DOCK3: variants seen among roughly 807,000 people sequenced by gnomAD.
The protein encoded by DOCK3 is dedicator of cytokinesis 3.
A neutral mutation model predicts 265.6 loss-of-function variants in DOCK3; 60 were observed. That is an observed-to-expected ratio of 0.23 (90% CI 0.18 to 0.28). The LOEUF is 0.28. Ranked by LOEUF, DOCK3 falls within the 10% of genes least tolerant of loss-of-function variation. DOCK3 has a pLI of 1.00. For missense variants in DOCK3, 1,981 were observed against 2,594.3 expected (o/e 0.76, Z 5.14); for synonymous variants, 881 against 938.0 (o/e 0.94, Z 1.11).
intron 12 of DOCK3, among the ~76,000 whole-genome samples, chr3:51,184,854 A>G (rs1477483487): frequency 6.6e-6 from 1 of 152,246 alleles, no homozygotes; most frequent in Non-Finnish European, 1.5e-5. Flanking sequence ...AATCAGGGAT[A>G]ACATCAGCAG....
intron 21 of DOCK3, among the ~76,000 whole-genome samples, chr3:51,243,620 T>A (rs1227347099): frequency 6.6e-6 from 1 of 152,210 alleles, no homozygotes; most frequent in Non-Finnish European, 1.5e-5. Context: ...TAACCCCTTA[T>A]CAGTTATATG....
intron 2 of DOCK3, among the ~76,000 whole-genome samples, chr3:50,835,966 C>A (rs1362194042): frequency 6.6e-6 from 1 of 152,202 alleles, no homozygotes; most frequent in East Asian, 1.9e-4. Context: ...AGCCAAGTAT[C>A]CCCCCATAAC....
chr3:51,214,868 G>A (rs2089698178), intron 14 of DOCK3, among the ~76,000 whole-genome samples: 1 of 152,142 alleles, frequency 6.6e-6, no homozygotes, highest in Non-Finnish European at 1.5e-5. Context: ...GTCCCAGTAG[G>A]TCAGTATCAG....
chr3:50,689,654 A>T (rs1023050059), intron 1 of DOCK3, among the ~76,000 whole-genome samples: 2 of 152,216 alleles, frequency 1.3e-5, no homozygotes, highest in Non-Finnish European at 2.9e-5. Context: ...TTAGATTCTC[A>T]TAAGGAGCAT....
At chr3:51,110,376 C>CAA (rs2083463533) in intron 9 of DOCK3, among the ~76,000 whole-genome samples, 4 of 151,946 alleles carry the variant, frequency 2.6e-5, no homozygotes, top group East Asian at 1.9e-4. Flanking sequence ...ACCACCACCA[C>CAA]CAACAACAAC....
intron 9 of DOCK3, among the ~76,000 whole-genome samples, chr3:51,122,037 C>G (rs920060673): frequency 6.6e-6 from 1 of 152,124 alleles, no homozygotes; most frequent in Non-Finnish European, 1.5e-5. Context: ...TGCTCACTGT[C>G]CCTTCCAAAA....
chr3:51,044,855 C>G (rs760169798), intron 5 of DOCK3, among the ~76,000 whole-genome samples: 1 of 152,180 alleles, frequency 6.6e-6, no homozygotes, highest in Non-Finnish European at 1.5e-5. Context: ...TTCCCCACCT[C>G]TCTTCGCATT....
At chr3:50,814,856 C>T (rs146549509) in intron 2 of DOCK3, among the ~76,000 whole-genome samples, 9 of 151,234 alleles carry the variant, frequency 6.0e-5, no homozygotes, top group African/African-American at 1.9e-4. Context: ...GATGGAGTCT[C>T]GCTCTGCCGC....
chr3:50,869,163 A>G (rs1278440418), intron 3 of DOCK3, among the ~76,000 whole-genome samples: 3 of 149,266 alleles, frequency 2.0e-5, no homozygotes, highest in African/African-American at 7.4e-5. Flanking sequence ...TTCAGTAGAG[A>G]CGGGGTTTCA....
intron 39 of DOCK3, 143 bp downstream of exon 39, chr3:51,349,081 C>G (rs1198142424): frequency 1.3e-6 from 1 of 762,222 alleles, no homozygotes; most frequent in African/African-American, 1.8e-5. Context: ...AGGACACTTG[C>G]AGTCTGACTA....
intron 28 of DOCK3, among the ~76,000 whole-genome samples, chr3:51,311,131 T>A (rs2083046701): frequency 6.6e-6 from 1 of 152,244 alleles, no homozygotes; most frequent in Non-Finnish European, 1.5e-5. Context: ...TGAATCTTTC[T>A]TGTTTCTATC....
At chr3:50,931,589 G>A (rs2051069966) in intron 4 of DOCK3, among the ~76,000 whole-genome samples, 1 of 152,210 alleles carries the variant, frequency 6.6e-6, no homozygotes, top group South Asian at 2.1e-4. Context: ...TTTCTTCTCA[G>A]ATATGACATT....
At chr3:50,811,890 T>C (rs2043781348) in intron 2 of DOCK3, among the ~76,000 whole-genome samples, 1 of 152,214 alleles carries the variant, frequency 6.6e-6, no homozygotes, top group Non-Finnish European at 1.5e-5. Context: ...AGTTAACTGC[T>C]AAAAGGGCTA....
rs1553619757 is a variant in DOCK3, at chr3:51,383,509, A to C, written c.*1950A>C. On this transcript the variant is annotated 3_prime_UTR_variant, in exon 53 of 53. Transcript: ENST00000266037. ...GGGCTTAGATTTTAAGGCACTTCTG[A>C]AAGTCAATCCCTGGACAAGGCAGTC... 1 of 152,338 alleles carries C rather than the reference A, an allele frequency of 6.6e-6. No individual in the cohort carries two copies. The highest frequency in any genetic ancestry group is 2.4e-5 in the African/African-American group (1 of 41,466). The allele number at this position is 152,338 out of a possible 1,614,324, so 9.4% of individuals were successfully genotyped here. A position where few individuals can be genotyped will look rare whatever the true frequency, so the allele number is the denominator to read the frequency against.
intron 1 of DOCK3, among the ~76,000 whole-genome samples, chr3:50,768,763 T>TA (rs2041077275): frequency 6.6e-6 from 1 of 152,212 alleles, no homozygotes. Context: ...CCTTTGGATA[T>TA]ATATGCAGTA....
rs78680891 is a variant in DOCK3, at chr3:50,991,523, C to G, written c.315+57446C>G. Among the ~76,000 whole-genome samples, 496 of 152,232 alleles carry G rather than the reference C, an allele frequency of 3.3e-3. 3 individuals are homozygous for G. The highest frequency in any genetic ancestry group is 3.4e-3 in the Middle Eastern group (1 of 292). On this transcript the variant is annotated intron_variant, in intron 5 of 52. Transcript: ENST00000266037. ...TTATATCATCATAAAGGGTTCAATT[C>G]GACAAGAAGACTTAATTATCTTAAA...
At chr3:51,321,467 C>T (rs571780272) in intron 32 of DOCK3, among the ~76,000 whole-genome samples, 84 of 152,160 alleles carry the variant, frequency 5.5e-4, no homozygotes, top group South Asian at 1.7e-3. Flanking sequence ...CAAACCTGGA[C>T]GGAAAATGAA....
chr3:50,867,646 G>T (rs1388721497), intron 3 of DOCK3, among the ~76,000 whole-genome samples: 1 of 148,520 alleles, frequency 6.7e-6, no homozygotes, highest in Non-Finnish European at 1.5e-5. Context: ...AAGGGATTTT[G>T]AACTTTATCA....
chr3:50,946,454 T>C (rs2076430541), intron 5 of DOCK3, among the ~76,000 whole-genome samples: 1 of 152,248 alleles, frequency 6.6e-6, no homozygotes, highest in African/African-American at 2.4e-5. Flanking sequence ...TTTTTGAAGA[T>C]AACTTTTAGT....
Sources: allele counts gnomAD v4.1 joint callset (sites outside exome capture counted in the v4.1 genomes callset), GRCh38; gene constraint gnomAD v4.1.1; transcripts MANE v1.5; gene names NCBI Gene and HGNC (gene_info 2026-07-23, HGNC 2026-07-21).